The following EP400 variants were observed in gnomAD, a reference collection of about 807,000 sequenced individuals.
The protein encoded by EP400 is E1A-binding protein p400.
Under a neutral mutation model 354.1 loss-of-function variants are expected in EP400, and 105 were observed. The ratio of observed to expected loss-of-function variants is 0.30; its 90% CI spans 0.25 to 0.35. EP400 has a LOEUF of 0.35. EP400 is among the 10% of genes least tolerant of loss of function. EP400 has a pLI of 1.00. For missense variants in EP400, 3,280 were observed against 4,121.0 expected (o/e 0.80, Z 5.59); for synonymous variants, 1,646 against 1,716.9 (o/e 0.96, Z 1.02).
chr12:132,058,235 A>C (rs748628882), intron 45 of EP400, among the ~76,000 whole-genome samples: 2 of 152,172 alleles, frequency 1.3e-5, no homozygotes, highest in South Asian at 4.1e-4. Flanking sequence ...AGATATTAAC[A>C]GAGAAACAGT....
chr12:131,987,721 A>C lies in EP400; in HGVS notation c.2240A>C (p.Gln747Pro). 1 of 1,607,228 alleles carries C rather than the reference A, an allele frequency of 6.2e-7. No homozygotes were observed. The highest frequency in any genetic ancestry group is 1.1e-5 in the South Asian group (1 of 89,712). The change falls in exon 7 of 53, where the codon CAG becomes CCG. Residue 747 changes from glutamine (Q) to proline (P), a missense_variant. Gln to Pro is a moderately conservative substitution (Grantham distance 76). Around this residue, in one of 20 missense-constraint regions of EP400, gnomAD observed 800 missense variants for 840.0 expected, o/e 0.95. Coordinates refer to ENST00000389561, the MANE Select transcript of EP400 (RefSeq NM_015409.5). ...CATCTACAGGAGAACCAGGTGCATC[A>C]GCGCATTGCGGAGCTGAGGAAAGCA... ...EQITLENQVH[Q>P]RIAELRKAGL...
chr12:132,027,051 A>G lies in EP400; in HGVS notation c.5015-386A>G, dbSNP rs1248355806. 6.6e-6 allele frequency among the ~76,000 whole-genome samples: 1 copy of G among 152,144 alleles called. No homozygotes were observed. The highest frequency in any genetic ancestry group is 1.9e-4 in the East Asian group (1 of 5,182). On this transcript the variant is annotated intron_variant, in intron 25 of 52. Transcript: ENST00000389561. The surrounding 1 kb of genome is among the most constrained non-coding windows in gnomAD (Gnocchi z 4.9). The stretch of plus-strand genomic sequence containing the variant: ...GCTGCTCATGGCAGGCAAGGGCCTC[A>G]CAGTCATCAGGCGGTCACCTGGGCT...
chr12:131,963,247 T>C (rs919137743), intron 2 of EP400, among the ~76,000 whole-genome samples: 4 of 152,230 alleles, frequency 2.6e-5, no homozygotes, highest in African/African-American at 9.6e-5. Context: ...GGTAGGGCTT[T>C]GTTACTTGAA....
chr12:132,016,513 C>T (rs1331257006), intron 19 of EP400, among the ~76,000 whole-genome samples: 1 of 152,172 alleles, frequency 6.6e-6, no homozygotes, highest in Admixed American at 6.5e-5. Context: ...GGATTACAGG[C>T]ATGTGCCACC....
intron 45 of EP400, among the ~76,000 whole-genome samples, chr12:132,056,314 A>G (rs1048791480): frequency 1.4e-4 from 21 of 152,156 alleles, no homozygotes; most frequent in South Asian, 6.2e-4. Context: ...CTTTCCTGTG[A>G]AGATGTCGTT....
In EP400 at chr12:131,984,103, G is replaced by A. The variant is rs190231389; in HGVS notation, c.1929+1625G>A. 5.8e-4 allele frequency among the ~76,000 whole-genome samples: 88 copies of A among 152,152 alleles called. 1 individual carries two copies. The East Asian group carries it at 0.014, about 25-fold the overall frequency. On this transcript the variant is annotated intron_variant, in intron 5 of 52. Transcript: ENST00000389561. ...TTAGTAAAGACGAGGTTTCTCCATG[G>A]GTTAGGCTGGTCTTGAACTCCTGAC...
chr12:132,075,977 T>G lies in EP400; in HGVS notation c.9022-539T>G, dbSNP rs1896223885. On this transcript the variant is annotated intron_variant, in intron 51 of 52. Transcript: ENST00000389561. The surrounding 1 kb of genome is among the most constrained non-coding windows in gnomAD (Gnocchi z 4.5). ...CATGCAGTAGCAAGTGCACAGAAAG[T>G]GGGCACTGGGTGGAAAGTGTTGCTT... 5.0e-6 allele frequency: 1 copy of G among 201,998 alleles called. No homozygotes were observed. The highest frequency in any genetic ancestry group is 5.2e-5 in the Admixed American group (1 of 19,070). 12.5% of individuals were successfully genotyped at this position (201,998 alleles called of 1,614,324 possible). A position where few individuals can be genotyped will look rare whatever the true frequency, so the allele number is the denominator to read the frequency against.
intron 10 of EP400, among the ~76,000 whole-genome samples, chr12:131,991,771 G>C (rs1893043539): frequency 6.6e-6 from 1 of 151,510 alleles, no homozygotes. Context: ...TATTTTAGTA[G>C]AGATGGGGTT....
intron 30 of EP400, among the ~76,000 whole-genome samples, chr12:132,037,456 G>A (rs1271974001): frequency 6.6e-6 from 1 of 152,192 alleles, no homozygotes; most frequent in Admixed American, 6.5e-5. Flanking sequence ...GTGGCACAGC[G>A]AAGAGTCTTC....
At position 132,054,879 on chromosome 12, in the gene EP400, T is replaced by C; in HGVS notation, c.7729-95T>C. 7.6e-7 allele frequency: 1 copy of C among 1,307,262 alleles called. No homozygotes were observed. 81.0% of individuals were successfully genotyped at this position (1,307,262 alleles called of 1,614,324 possible). On this transcript the variant is annotated intron_variant, in intron 43 of 52. Coordinates refer to ENST00000389561, the MANE Select transcript of EP400 (RefSeq NM_015409.5). The surrounding 1 kb of genome is among the most constrained non-coding windows in gnomAD (Gnocchi z 4.0). ...GGTGGCTGTGTGAATGTCGTGGAGTTTGGATTTGATTCTGAATGAAGTGGA... is the reference window on the plus strand; with the variant it reads ...GGTGGCTGTGTGAATGTCGTGGAGTCTGGATTTGATTCTGAATGAAGTGGA...
intron 3 of EP400, among the ~76,000 whole-genome samples, chr12:131,981,219 G>A (rs756387649): frequency 5.3e-5 from 8 of 152,172 alleles, no homozygotes; most frequent in Non-Finnish European, 1.2e-4. Flanking sequence ...TGAGTGCTAA[G>A]CAAGCCCACC....
chr12:131,973,884 A>G (rs1715803935), intron 2 of EP400, among the ~76,000 whole-genome samples: 1 of 151,174 alleles, frequency 6.6e-6, no homozygotes, highest in Admixed American at 6.6e-5. Flanking sequence ...TGATTGGAGC[A>G]TTTTTTTCAG....
chr12:132,015,743 C>A (rs917326501), intron 19 of EP400, among the ~76,000 whole-genome samples: 1 of 152,158 alleles, frequency 6.6e-6, no homozygotes, highest in Non-Finnish European at 1.5e-5. Context: ...TCTTTCCGGG[C>A]CTGTGAAATC....
In EP400 at chr12:132,045,520, A is replaced by G. The variant is rs1415650560; in HGVS notation, c.6986A>G (p.Asn2329Ser). ...AKPTAEPGQDNPEWLISEDWA... is the reference protein window; with the variant it reads ...AKPTAEPGQDSPEWLISEDWA... ...CCCACAGCTGAGCCTGGTCAAGACA[A>G]CCCCGAGTGGCTCATCAGTGAGGAC... The change falls in exon 38 of 53, where the codon AAC becomes AGC. Residue 2329 changes from asparagine to serine, a missense_variant. This residue lies in a region of EP400 where 231 missense variants were observed against 257.9 expected (regional missense o/e 0.90). Transcript: ENST00000389561. 2 of 1,613,960 alleles carry G rather than the reference A, an allele frequency of 1.2e-6. No individual in the cohort carries two copies. The highest frequency in any genetic ancestry group is 2.2e-5 in the South Asian group (2 of 91,062).
intron 51 of EP400, among the ~76,000 whole-genome samples, chr12:132,072,680 T>A (rs764526432): frequency 6.6e-6 from 1 of 152,228 alleles, no homozygotes; most frequent in Non-Finnish European, 1.5e-5. Flanking sequence ...AAGTTTACTG[T>A]GTGTGTCATT....
rs1047380928 is a variant in EP400, at chr12:132,065,325, G to A, written c.8553+439G>A. Reference sequence around the variant, plus strand: ...GGGAGAGCATTTGGAGATTTCAGAAGGGACTAGCATCAGGCGCAAGTGCTG... The same window carrying A: ...GGGAGAGCATTTGGAGATTTCAGAAAGGACTAGCATCAGGCGCAAGTGCTG... On this transcript the variant is annotated intron_variant, in intron 48 of 52. Transcript: ENST00000389561. The A allele has an allele frequency of 4.8e-5, 9 of 188,290 alleles. 1 individual carries two copies. In the South Asian group the frequency reaches 1.1e-3, roughly 23 times the overall value. The allele number at this position is 188,290 out of a possible 1,614,324, so 11.7% of individuals were successfully genotyped here.
chr12:132,009,673 C>T (rs61944570), intron 15 of EP400, among the ~76,000 whole-genome samples: 19,064 of 152,032 alleles, frequency 0.13, 1,641 homozygotes, highest in African/African-American at 0.24. Context: ...TGGTCTGCAT[C>T]AGTGCAGGTG....
chr12:131,959,234 G>T (rs564690581), intron 1 of EP400, among the ~76,000 whole-genome samples: 1 of 152,306 alleles, frequency 6.6e-6, no homozygotes, highest in African/African-American at 2.4e-5. Context: ...TGAAGCAGCA[G>T]CTGCCCCCTT....
chr12:132,014,051 G>A, intron 19 of EP400, 138 bp downstream of exon 19: 1 of 1,162,546 alleles, frequency 8.6e-7, no homozygotes, highest in Non-Finnish European at 1.2e-6. Context: ...CACCCTCCTG[G>A]GGGCAGCAGG....
Sources: allele counts gnomAD v4.1 joint callset (sites outside exome capture counted in the v4.1 genomes callset), GRCh38; gene constraint gnomAD v4.1.1; regional missense constraint gnomAD v4.1.1; non-coding constraint Gnocchi (gnomAD v3.1); transcripts MANE v1.5; gene names NCBI Gene and HGNC (gene_info 2026-07-23, HGNC 2026-07-21).